SPAG1: variants seen among roughly 807,000 people sequenced by gnomAD.
SPAG1 encodes the protein sperm associated antigen 1.
Under a neutral mutation model 100.5 loss-of-function variants are expected in SPAG1, and 69 were observed. That is an observed-to-expected ratio of 0.69 (90% confidence interval 0.57 to 0.84). The LOEUF (loss-of-function observed/expected upper bound fraction) is 0.84. Ranked by LOEUF, SPAG1 falls within the 40% of genes least tolerant of loss-of-function variation. The pLI is 0.00. For missense variants in SPAG1, 955 were observed against 1,133.1 expected, an observed-to-expected ratio of 0.84 and a Z score of 2.26; for synonymous variants, 336 against 411.6, an observed-to-expected ratio of 0.82 and a Z score of 2.22.
intron 10 of SPAG1, among the ~76,000 whole-genome samples, chr8:100,198,183 A>T (rs1817114097): frequency 2.6e-5 from 4 of 152,218 alleles, no homozygotes. Flanking sequence ...AGTCACTCAC[A>T]AACAGAAGAA....
chr8:100,191,720 A>T (rs1816824244), intron 9 of SPAG1, among the ~76,000 whole-genome samples: 1 of 152,330 alleles, frequency 6.6e-6, no homozygotes, highest in South Asian at 2.1e-4. Context: ...TCTGAAAGAC[A>T]AATATCAATT....
rs1819201748 is a variant in SPAG1 at position 100,240,338 on chromosome 8, G to GTA, written c.2281-64_2281-63dup. On this transcript the variant is annotated intron_variant, in intron 17 of 18. Transcript: ENST00000388798. Reference sequence around the variant, plus strand: ...GTTTTCAATTCTCATTCTGACAGACGTACTTAGGATGTATGTGGTGATTGT... The same window carrying GTA: ...GTTTTCAATTCTCATTCTGACAGACGTATACTTAGGATGTATGTGGTGATTGT... The GTA allele has an allele frequency of 2.1e-6, 3 of 1,450,066 alleles. No individual in the cohort carries two copies. The Admixed American group carries it at 6.8e-5, about 33-fold the overall frequency. 89.8% of individuals were successfully genotyped at this position (1,450,066 alleles called of 1,614,324 possible).
At chr8:100,202,199 A>T (rs1282815815) in intron 10 of SPAG1, among the ~76,000 whole-genome samples, 2 of 152,144 alleles carry the variant, frequency 1.3e-5, no homozygotes, top group Non-Finnish European at 1.5e-5. Flanking sequence ...TTCTATGTTG[A>T]TGATTATTGT....
At chr8:100,229,250 A>G (rs1818653434) in intron 14 of SPAG1, among the ~76,000 whole-genome samples, 1 of 152,032 alleles carries the variant, frequency 6.6e-6, no homozygotes. Context: ...GTGAAACCCC[A>G]TCTCTACTAA....
At chr8:100,187,649 A>G (rs957324781) in intron 8 of SPAG1, among the ~76,000 whole-genome samples, 4 of 151,982 alleles carry the variant, frequency 2.6e-5, no homozygotes, top group Admixed American at 2.0e-4. Flanking sequence ...TGGGCAACAC[A>G]GCAAAACTCT....
intron 15 of SPAG1, chr8:100,233,035 C>T (rs139380177): frequency 7.4e-6 from 2 of 270,576 alleles, no homozygotes; most frequent in Non-Finnish European, 1.4e-5. Flanking sequence ...ACTTCATACT[C>T]TGGATTTCAA....
intron 4 of SPAG1, among the ~76,000 whole-genome samples, chr8:100,180,404 A>T (rs1231345366): frequency 6.6e-6 from 1 of 152,244 alleles, no homozygotes; most frequent in African/African-American, 2.4e-5. Context: ...ATATCTAATA[A>T]TTTAGATATT....
At position 100,240,982 on chromosome 8, in the gene SPAG1, T is replaced by C. The variant is rs779242119; in HGVS notation, c.2741T>C (p.Leu914Ser). 3.1e-6 allele frequency: 5 copies of C among 1,613,524 alleles called. No individual in the cohort carries two copies. The highest frequency in any genetic ancestry group is 1.3e-5 in the African/African-American group (1 of 74,898). The change falls in exon 19 of 19, where the codon TTA (leucine) becomes TCA (serine). Residue 914 changes from leucine (L) to serine (S), a missense_variant. Physicochemically the swap from Leu to Ser is moderately radical, Grantham distance 145 (BLOSUM62 -2). Coordinates refer to ENST00000388798, the MANE Select transcript of SPAG1 (RefSeq NM_003114.5). The part of the protein sequence containing the change: ...LSDTPNNHFT[L>S]EDIQALKRQY... ...GACACACCAAACAACCATTTTACTT[T>C]AGAAGATATACAGGCCCTAAAAAGG...
chr8:100,209,474 T>A (rs886625043), intron 10 of SPAG1, among the ~76,000 whole-genome samples: 14 of 150,808 alleles, frequency 9.3e-5, no homozygotes, highest in African/African-American at 3.4e-4. Flanking sequence ...TTTTGCTCTA[T>A]TTTTTCAGGA....
At chr8:100,201,700 C>T (rs1231446068) in intron 10 of SPAG1, among the ~76,000 whole-genome samples, 2 of 152,068 alleles carry the variant, frequency 1.3e-5, no homozygotes, top group Non-Finnish European at 2.9e-5. Context: ...CAAGGCAGGA[C>T]TCTAATCTTA....
Position 100,191,378 on chromosome 8 carries a change from G to A in SPAG1, c.833-12G>A. The A allele has an allele frequency of 1.3e-6, 2 of 1,583,046 alleles. No homozygotes were observed. Among genetic ancestry groups the A allele is most frequent in the Non-Finnish European group, 1.7e-6 (2 of 1,157,670 alleles). Reference sequence around the variant, plus strand: ...ATTAAAAAACATAACTTTTATATTGGTAAATTTTCAGCTCTTCTGCGTCGT... The same window carrying A: ...ATTAAAAAACATAACTTTTATATTGATAAATTTTCAGCTCTTCTGCGTCGT... On this transcript the variant is annotated splice_polypyrimidine_tract_variant and intron_variant, in intron 8 of 18. Coordinates refer to ENST00000388798, the MANE Select transcript of SPAG1 (RefSeq NM_003114.5).
At chr8:100,174,204 A>G (rs1320953951) in intron 3 of SPAG1, among the ~76,000 whole-genome samples, 1 of 152,230 alleles carries the variant, frequency 6.6e-6, no homozygotes, top group Non-Finnish European at 1.5e-5. Flanking sequence ...AATAACATGA[A>G]CAGTTGATTG....
Position 100,191,627 on chromosome 8 carries a change from C to T in SPAG1, c.939+131C>T, listed in dbSNP as rs952546437. On this transcript the variant is annotated intron_variant, in intron 9 of 18. Coordinates refer to ENST00000388798, the MANE Select transcript of SPAG1 (RefSeq NM_003114.5). ...CACAGCTTTAAAAGGTAGGTATATT[C>T]CAGACACCCCAAAACGTTAACATCT... 26 of 584,668 alleles carry T rather than the reference C, an allele frequency of 4.4e-5. No individual in the cohort carries two copies. In the African/African-American group the frequency reaches 4.9e-4, roughly 11 times the overall value. 36.2% of individuals were successfully genotyped at this position (584,668 alleles called of 1,614,324 possible). A position where few individuals can be genotyped will look rare whatever the true frequency, so the allele number is the denominator to read the frequency against.
At chr8:100,177,350 A>G (rs1816173833) in intron 3 of SPAG1, among the ~76,000 whole-genome samples, 1 of 152,202 alleles carries the variant, frequency 6.6e-6, no homozygotes, top group African/African-American at 2.4e-5. Flanking sequence ...GGTGGCTGTG[A>G]AATTATTACG....
At chr8:100,166,819 A>ATTTATC (rs1815581957) in intron 3 of SPAG1, among the ~76,000 whole-genome samples, 1 of 152,154 alleles carries the variant, frequency 6.6e-6, no homozygotes, top group Non-Finnish European at 1.5e-5. Context: ...AGACAGGAGG[A>ATTTATC]TCGCTTTATC....
intron 9 of SPAG1, 57 bp from the exon 10 acceptor site, chr8:100,194,055 T>C: frequency 8.4e-7 from 1 of 1,192,426 alleles, no homozygotes; most frequent in South Asian, 1.9e-5. Flanking sequence ...CCTGAAAGAA[T>C]GGTTATATTT....
intron 10 of SPAG1, among the ~76,000 whole-genome samples, chr8:100,199,693 T>C (rs1817185288): frequency 6.6e-6 from 1 of 152,150 alleles, no homozygotes; most frequent in Admixed American, 6.5e-5. Context: ...GTGATCCACC[T>C]GCCTTGGCCT....
chr8:100,191,738 T>C (rs1159372676), intron 9 of SPAG1, among the ~76,000 whole-genome samples: 1 of 152,214 alleles, frequency 6.6e-6, no homozygotes. Context: ...ATTTTTCTTT[T>C]TCCTATAGTG....
At chr8:100,179,416 T>A (rs911737758) in intron 4 of SPAG1, among the ~76,000 whole-genome samples, 1 of 152,024 alleles carries the variant, frequency 6.6e-6, no homozygotes, top group African/African-American at 2.4e-5. Flanking sequence ...ATAGTCCCGG[T>A]GTACTAAGAC....
Sources: gnomAD v4.1 joint callset for allele counts (sites outside exome capture counted in the v4.1 genomes callset) on GRCh38, gnomAD v4.1.1 for gene constraint, MANE v1.5 for transcripts, NCBI Gene and HGNC (gene_info 2026-07-23, HGNC 2026-07-21) for gene names.